Variants in B3GAT1 observed in about 807,000 individuals in gnomAD.
B3GAT1 encodes beta-1,3-glucuronyltransferase 1.
Under a neutral mutation model 28.4 loss-of-function variants are expected in B3GAT1, and 11 were observed. That is an observed-to-expected ratio of 0.39 (90% confidence interval 0.24 to 0.64). The LOEUF (loss-of-function observed/expected upper bound fraction) is 0.64. Among genes scored for constraint, B3GAT1 ranks in the 30% least tolerant of loss-of-function variants. The pLI is 0.50. For synonymous variants in B3GAT1, 255 were observed against 223.1 expected (o/e 1.14, Z -1.27); for missense variants, 375 against 491.0 (o/e 0.76, Z 2.23).
intron 2 of B3GAT1, chr11:134,385,028 C>T (rs1178637537): frequency 6.6e-6 from 1 of 152,228 alleles, no homozygotes; most frequent in East Asian, 1.9e-4. Flanking sequence ...GGCTGAGACC[C>T]TGCCCACTTC....
chr11:134,378,589 C>G lies in B3GAT1; in HGVS notation c.*2173G>C, dbSNP rs1275348148. On this transcript the variant is annotated 3_prime_UTR_variant, in exon 6 of 6. Transcript: ENST00000312527. ...ATTAAAACAGACCAGATGCAGCTGCCTGGGTGCCACCCTCACCCCAGCCTC... is the reference window on the plus strand; with the variant it reads ...ATTAAAACAGACCAGATGCAGCTGCGTGGGTGCCACCCTCACCCCAGCCTC... The G allele has an allele frequency of 2.6e-5, 4 of 152,240 alleles. No homozygotes were observed. Among genetic ancestry groups the G allele is most frequent in the Non-Finnish European group, 5.9e-5 (4 of 68,066 alleles). The allele number at this position is 152,240 out of a possible 1,614,324, so 9.4% of individuals were successfully genotyped here.
intron 1 of B3GAT1, among the ~76,000 whole-genome samples, chr11:134,406,001 A>T (rs1429838858): frequency 6.6e-6 from 1 of 152,222 alleles, no homozygotes; most frequent in Non-Finnish European, 1.5e-5. Flanking sequence ...GGAAACGCTC[A>T]TGCAGCCCTG....
intron 1 of B3GAT1, chr11:134,392,261 T>C (rs1171588201): frequency 6.6e-6 from 1 of 151,792 alleles, no homozygotes; most frequent in Non-Finnish European, 1.5e-5. Flanking sequence ...CCAGCACCCA[T>C]GGAACTGAGT....
At chr11:134,389,995 C>G (rs529570780) in intron 1 of B3GAT1, 1 of 152,262 alleles carries the variant, frequency 6.6e-6, no homozygotes, top group Admixed American at 6.5e-5. Flanking sequence ...GCCCACACCC[C>G]GCCATCAGAG....
intron 1 of B3GAT1, among the ~76,000 whole-genome samples, chr11:134,398,098 G>A (rs1406505701): frequency 1.3e-5 from 2 of 152,196 alleles, no homozygotes; most frequent in Non-Finnish European, 2.9e-5. Context: ...AGGCTGTGCT[G>A]GCCACCACAG....
intron 1 of B3GAT1, among the ~76,000 whole-genome samples, chr11:134,403,782 A>C (rs1380590622): frequency 6.6e-6 from 1 of 151,914 alleles, no homozygotes; most frequent in Non-Finnish European, 1.5e-5. Context: ...ATTTTAACAC[A>C]TGCCCTGACA....
At chr11:134,399,982 A>G (rs1944578526) in intron 1 of B3GAT1, among the ~76,000 whole-genome samples, 1 of 152,098 alleles carries the variant, frequency 6.6e-6, no homozygotes, top group South Asian at 2.1e-4. Flanking sequence ...TCCCAGAGGG[A>G]GGATGTGAGC....
rs1206600497 is a variant in B3GAT1, at chr11:134,393,443, C to G, written c.-281-5503G>C. ...CTGACATCAGCCACATCGCAGCATC[C>G]CGCTGCGATCTCGTTTTGATTTCTT... On this transcript the variant is annotated intron_variant, in intron 1 of 5. Transcript: ENST00000312527. The surrounding 1 kb of genome is among the most constrained non-coding windows in gnomAD (Gnocchi z 4.0). 2.0e-5 allele frequency among the ~76,000 whole-genome samples: 3 copies of G among 152,204 alleles called. No homozygotes were observed. Among genetic ancestry groups the G allele is most frequent in the African/African-American group, 7.2e-5 (3 of 41,466 alleles).
In B3GAT1 at chr11:134,411,670, G is replaced by GCGCA. The variant is rs1466472937; in HGVS notation, c.-282+136_-282+137insTGCG. 97 of 144,730 alleles carry GCGCA rather than the reference G, an allele frequency of 6.7e-4. No homozygotes were observed. The highest frequency in any genetic ancestry group is 2.4e-3 in the African/African-American group (94 of 39,690). 9.0% of individuals were successfully genotyped at this position (144,730 alleles called of 1,614,324 possible). A position where few individuals can be genotyped will look rare whatever the true frequency, so the allele number is the denominator to read the frequency against. ...TCCAGCTGCCCCCAGCGCGCGCAGC[G>GCGCA]CACACACACACACACACACACACAC... On this transcript the variant is annotated intron_variant, in intron 1 of 5. Transcript: ENST00000312527. This position sits in a 1 kb window ranked among gnomAD's most constrained non-coding sequence, Gnocchi z 6.0.
intron 1 of B3GAT1, among the ~76,000 whole-genome samples, chr11:134,405,662 C>T (rs550949893): frequency 6.6e-6 from 1 of 152,328 alleles, no homozygotes; most frequent in East Asian, 1.9e-4. Flanking sequence ...GCCAGTAGTA[C>T]CAACAATCTG....
rs1944444502 is a variant in B3GAT1, at chr11:134,393,194, G to C, written c.-281-5254C>G. Among the ~76,000 whole-genome samples the C allele has an allele frequency of 6.6e-6, 1 of 152,142 alleles. No homozygotes were observed. The highest frequency in any genetic ancestry group is 1.5e-5 in the Non-Finnish European group (1 of 68,032). On this transcript the variant is annotated intron_variant, in intron 1 of 5. Coordinates refer to ENST00000312527, the MANE Select transcript of B3GAT1 (RefSeq NM_054025.3). This position sits in a 1 kb window ranked among gnomAD's most constrained non-coding sequence, Gnocchi z 4.0. ...AGTAAGATGGGAACAGTAGTTAAGT[G>C]GTTCATCAAAAAAGTCCATTAAGGC...
At chr11:134,386,389 G>A (rs567657874) in intron 2 of B3GAT1, 239 of 146,776 alleles carry the variant, frequency 1.6e-3, no homozygotes, top group African/African-American at 5.8e-3. Flanking sequence ...GACCCCACGT[G>A]AGCCTGTGCA....
chr11:134,384,203 G>T lies in B3GAT1; in HGVS notation c.113-15C>A, dbSNP rs545866474. On this transcript the variant is annotated splice_polypyrimidine_tract_variant and intron_variant, in intron 2 of 5. Transcript: ENST00000312527. ...ACTGCCCTCATCTGCGGAGTCGGGA[G>T]ACCGGCGATGTGGGAGGAGAGCGCC... 2 of 1,523,538 alleles carry T rather than the reference G, an allele frequency of 1.3e-6. No individual in the cohort carries two copies. Among genetic ancestry groups the T allele is most frequent in the East Asian group, 2.3e-5 (1 of 43,854 alleles). 94.4% of individuals were successfully genotyped at this position (1,523,538 alleles called of 1,614,324 possible). A position where few individuals can be genotyped will look rare whatever the true frequency, so the allele number is the denominator to read the frequency against.
intron 2 of B3GAT1, chr11:134,385,175 G>A (rs1236931546): frequency 6.6e-6 from 1 of 152,284 alleles, no homozygotes; most frequent in Admixed American, 6.5e-5. Context: ...CAAGGGCTGA[G>A]AGCACCGCCA....
chr11:134,398,632 C>T (rs1438052356), intron 1 of B3GAT1, among the ~76,000 whole-genome samples: 1 of 150,768 alleles, frequency 6.6e-6, no homozygotes, highest in Non-Finnish European at 1.5e-5. Flanking sequence ...TAGAAAGCAG[C>T]CATCCCCTTG....
intron 2 of B3GAT1, chr11:134,385,439 GGCACACA>G (rs1944255219): frequency 1.3e-5 from 2 of 152,572 alleles, no homozygotes; most frequent in African/African-American, 4.8e-5. Context: ...AATGGCACCA[GGCACACA>G]GCAATTGCTG....
Position 134,379,751 on chromosome 11 carries a change from CCCT to C in B3GAT1, c.*1008_*1010del, listed in dbSNP as rs1399876697. 2 of 152,414 alleles carry C rather than the reference CCCT, an allele frequency of 1.3e-5. No homozygotes were observed. Among genetic ancestry groups the C allele is most frequent in the Non-Finnish European group, 2.9e-5 (2 of 68,154 alleles). The allele number at this position is 152,414 out of a possible 1,614,324, so 9.4% of individuals were successfully genotyped here. A position where few individuals can be genotyped will look rare whatever the true frequency, so the allele number is the denominator to read the frequency against. ...GGGAGTTAGGGAATGGCCTTGGCCT[CCCT>C]CCTCTTTCCAGGCTGCAGGAGGTCC... On this transcript the variant is annotated 3_prime_UTR_variant, in exon 6 of 6. Coordinates refer to ENST00000312527, the MANE Select transcript of B3GAT1 (RefSeq NM_054025.3).
chr11:134,406,263 G>A (rs1435683050), intron 1 of B3GAT1, among the ~76,000 whole-genome samples: 3 of 152,242 alleles, frequency 2.0e-5, no homozygotes, highest in African/African-American at 4.8e-5. Context: ...GTGCTGGCTG[G>A]TGGCAGCTAA....
intron 2 of B3GAT1, chr11:134,384,765 C>A (rs1944235001): frequency 6.6e-6 from 1 of 152,666 alleles, no homozygotes; most frequent in Non-Finnish European, 1.5e-5. Context: ...AAGGCATTCT[C>A]TGAATCTCGG....
Sources: gnomAD v4.1 joint callset for allele counts (sites outside exome capture counted in the v4.1 genomes callset) on GRCh38, gnomAD v4.1.1 for gene constraint, Gnocchi (gnomAD v3.1) non-coding constraint, MANE v1.5 for transcripts, NCBI Gene and HGNC (gene_info 2026-07-23, HGNC 2026-07-21) for gene names.